Variants in OSBPL9 observed in about 807,000 individuals in gnomAD.
The protein encoded by OSBPL9 is oxysterol-binding protein-related protein 9.
Under a neutral mutation model 106.6 loss-of-function variants are expected in OSBPL9, and 40 were observed. The ratio of observed to expected loss-of-function variants is 0.38; its 90% CI spans 0.29 to 0.49. The LOEUF is 0.49. OSBPL9 is among the 20% of genes least tolerant of loss of function. The probability of loss-of-function intolerance (pLI) is 0.97; values close to 1 mark genes in which losing one functional copy is unlikely to be tolerated. For missense variants in OSBPL9, 609 were observed against 887.2 expected, an observed-to-expected ratio of 0.69 and a Z score of 3.98; for synonymous variants, 269 against 295.4, an observed-to-expected ratio of 0.91 and a Z score of 0.92.
At chr1:51,730,392 A>G (rs531363813) in intron 4 of OSBPL9, among the ~76,000 whole-genome samples, 1 of 152,354 alleles carries the variant, frequency 6.6e-6, no homozygotes, top group South Asian at 2.1e-4. Context: ...GTTGCCCATT[A>G]ATAGAATCTC....
At chr1:51,592,674 C>A (rs1246450871) in intron 1 of OSBPL9, among the ~76,000 whole-genome samples, 1 of 152,178 alleles carries the variant, frequency 6.6e-6, no homozygotes, top group Non-Finnish European at 1.5e-5. Flanking sequence ...GCAGACCAAA[C>A]CTTCCTGGAC....
intron 8 of OSBPL9, among the ~76,000 whole-genome samples, chr1:51,751,687 T>C (rs986062946): frequency 1.3e-5 from 2 of 152,166 alleles, no homozygotes; most frequent in African/African-American, 4.8e-5. Context: ...CTGCCTTCTA[T>C]TGAAGATTGG....
At chr1:51,579,350 G>C (rs1056920302) in intron 1 of OSBPL9, among the ~76,000 whole-genome samples, 1 of 152,170 alleles carries the variant, frequency 6.6e-6, no homozygotes, top group African/African-American at 2.4e-5. Context: ...ATATACATAG[G>C]TAAAGAGATG....
chr1:51,665,045 A>C (rs1479801970), intron 2 of OSBPL9, among the ~76,000 whole-genome samples: 1 of 152,234 alleles, frequency 6.6e-6, no homozygotes, highest in East Asian at 1.9e-4. Context: ...GCAGTGATTA[A>C]AATGTTCTGT....
intron 4 of OSBPL9, among the ~76,000 whole-genome samples, chr1:51,727,131 C>CTTTTTT (rs34741660): frequency 1.9e-5 from 2 of 107,320 alleles, no homozygotes; most frequent in African/African-American, 3.6e-5. Context: ...GAGATGTAGG[C>CTTTTTT]TTTTTTTTTT....
At chr1:51,779,939 G>A (rs549426630) in intron 15 of OSBPL9, among the ~76,000 whole-genome samples, 5 of 151,954 alleles carry the variant, frequency 3.3e-5, no homozygotes, top group South Asian at 2.1e-4. Flanking sequence ...TTAGCTGGGC[G>A]TGGTGGCAGG....
chr1:51,621,505 C>CAAA (rs201132605), intron 1 of OSBPL9, among the ~76,000 whole-genome samples: 4 of 71,536 alleles, frequency 5.6e-5, no homozygotes, highest in Admixed American at 1.6e-4. Context: ...GACTCCGTCT[C>CAAA]AAAAAAAAAA....
At chr1:51,757,298 G>T (rs1169039521) in intron 9 of OSBPL9, among the ~76,000 whole-genome samples, 1 of 151,984 alleles carries the variant, frequency 6.6e-6, no homozygotes, top group Non-Finnish European at 1.5e-5. Flanking sequence ...CAGAATTTTT[G>T]TCAGTTCAAA....
chr1:51,720,446 C>G (rs1250304794), intron 4 of OSBPL9, among the ~76,000 whole-genome samples: 1 of 151,878 alleles, frequency 6.6e-6, no homozygotes, highest in Non-Finnish European at 1.5e-5. Flanking sequence ...CTGCCTCAGC[C>G]TCCCAAGTAG....
chr1:51,547,409 T>G, the OSBPL9 span, among the ~76,000 whole-genome samples: 2 of 152,198 alleles, frequency 1.3e-5, no homozygotes, highest in South Asian at 4.1e-4. Context: ...TAAAACATGA[T>G]GTTATTTGCA....
intron 20 of OSBPL9, 31 bp downstream of exon 20, chr1:51,784,613 T>C (rs371482158): frequency 6.8e-5 from 109 of 1,605,360 alleles, no homozygotes; most frequent in Non-Finnish European, 8.9e-5. Context: ...AGAGCTCTTA[T>C]GCTTTTCTGA....
chr1:51,593,627 C>T (rs761445214), intron 1 of OSBPL9, among the ~76,000 whole-genome samples: 28 of 152,150 alleles, frequency 1.8e-4, no homozygotes, highest in Non-Finnish European at 2.8e-4. Flanking sequence ...TCGCCTTCTC[C>T]CTGAAGCTTT....
intron 3 of OSBPL9, among the ~76,000 whole-genome samples, chr1:51,672,028 A>G (rs9436462): frequency 0.96 from 146,317 of 152,288 alleles, 70,557 homozygotes; most frequent in Middle Eastern, 1. Flanking sequence ...AGAGTAATGG[A>G]GAATGAAATC....
rs777406808 is a variant in OSBPL9, at chr1:51,729,930, C to T, written c.319-15606C>T. The T allele has an allele frequency of 3.1e-5, 40 of 1,306,002 alleles. No homozygotes were observed. The highest frequency in any genetic ancestry group is 3.9e-5 in the Non-Finnish European group (40 of 1,019,260). The allele number at this position is 1,306,002 out of a possible 1,614,324, so 80.9% of individuals were successfully genotyped here. A position where few individuals can be genotyped will look rare whatever the true frequency, so the allele number is the denominator to read the frequency against. ...GAAAAAGGGGTGCTCGGGAGCAGCC[C>T]CCGGCTACCTCCCCTGGAGGCACAG... On this transcript the variant is annotated intron_variant, in intron 4 of 23. Transcript: ENST00000428468. This position sits in a 1 kb window ranked among gnomAD's most constrained non-coding sequence, Gnocchi z 5.1.
intron 17 of OSBPL9, 36 bp from the exon 18 acceptor site, chr1:51,783,879 G>T: frequency 6.9e-7 from 1 of 1,443,828 alleles, no homozygotes; most frequent in African/African-American, 1.4e-5. Context: ...GTGGCTGTAG[G>T]TATATATAAT....
the OSBPL9 span, among the ~76,000 whole-genome samples, chr1:51,540,011 A>G: frequency 2.0e-5 from 3 of 152,226 alleles, no homozygotes; most frequent in Non-Finnish European, 4.4e-5. Flanking sequence ...TTCCTTGAAC[A>G]TGATAAGCTC....
chr1:51,524,649 T>C, the OSBPL9 span, among the ~76,000 whole-genome samples: 1 of 152,094 alleles, frequency 6.6e-6, no homozygotes, highest in Non-Finnish European at 1.5e-5. Flanking sequence ...CACTTAATGG[T>C]TTTTTACATA....
chr1:51,637,080 G>T (rs1321498237), intron 1 of OSBPL9, among the ~76,000 whole-genome samples: 2 of 152,126 alleles, frequency 1.3e-5, no homozygotes, highest in Non-Finnish European at 2.9e-5. Context: ...TAGTGACTGT[G>T]GTACAAATGT....
intron 4 of OSBPL9, among the ~76,000 whole-genome samples, chr1:51,732,513 A>T (rs189333559): frequency 1.5e-4 from 23 of 152,332 alleles, no homozygotes; most frequent in African/African-American, 4.8e-4. Flanking sequence ...TCCTCCTTAA[A>T]TATTTTAATG....
Sources: gnomAD v4.1 joint callset for allele counts (sites outside exome capture counted in the v4.1 genomes callset) on GRCh38, gnomAD v4.1.1 for gene constraint, Gnocchi (gnomAD v3.1) non-coding constraint, MANE v1.5 for transcripts, NCBI Gene and HGNC (gene_info 2026-07-23, HGNC 2026-07-21) for gene names.